The following ARID4B variants were observed in gnomAD, a reference collection of about 807,000 sequenced individuals.
ARID4B encodes the protein AT-rich interaction domain 4B, also known as AT-rich interactive domain-containing protein 4B.
Under a neutral mutation model 147.5 loss-of-function variants are expected in ARID4B, and 26 were observed. The ratio of observed to expected loss-of-function variants is 0.18; its 90% confidence interval spans 0.13 to 0.24. ARID4B has a LOEUF of 0.24. Ranked by LOEUF, ARID4B falls within the 10% of genes least tolerant of loss-of-function variation. The pLI is 1.00. For missense variants in ARID4B, 1,179 were observed against 1,511.5 expected (o/e 0.78, Z 3.65); for synonymous variants, 512 against 507.9 (o/e 1.01, Z -0.11).
At chr1:235,315,448 G>A in intron 2 of ARID4B, among the ~76,000 whole-genome samples, 1 of 152,110 alleles carries the variant, frequency 6.6e-6, no homozygotes, top group East Asian at 1.9e-4. Flanking sequence ...TAAATTATCT[G>A]TCCCACTGTC....
intron 19 of ARID4B, among the ~76,000 whole-genome samples, chr1:235,189,018 A>C (rs1217866484): frequency 1.3e-5 from 2 of 152,168 alleles, no homozygotes; most frequent in African/African-American, 4.8e-5. Flanking sequence ...TCCGAAAGGT[A>C]AGGTATTGCA....
At chr1:235,282,467 C>T (rs1294899438) in intron 2 of ARID4B, among the ~76,000 whole-genome samples, 1 of 152,150 alleles carries the variant, frequency 6.6e-6, no homozygotes, top group Non-Finnish European at 1.5e-5. Context: ...ATGAGTGTGT[C>T]AAACTTTTGG....
intron 19 of ARID4B, among the ~76,000 whole-genome samples, chr1:235,185,522 C>A (rs540893596): frequency 4.5e-4 from 69 of 152,324 alleles, no homozygotes; most frequent in African/African-American, 1.6e-3. Context: ...GGGGAATCCT[C>A]CTCACTGCTT....
intron 2 of ARID4B, among the ~76,000 whole-genome samples, chr1:235,261,103 G>A (rs929624265): frequency 3.3e-5 from 5 of 152,004 alleles, no homozygotes; most frequent in African/African-American, 1.2e-4. Context: ...TTGGCCAGAA[G>A]GCAGATCTTT....
At chr1:235,300,601 G>A (rs1673050491) in intron 2 of ARID4B, among the ~76,000 whole-genome samples, 1 of 151,942 alleles carries the variant, frequency 6.6e-6, no homozygotes, top group Non-Finnish European at 1.5e-5. Flanking sequence ...CACATACAAA[G>A]CAGTACTCAA....
intron 2 of ARID4B, among the ~76,000 whole-genome samples, chr1:235,304,219 A>G (rs1191314497): frequency 1.3e-5 from 2 of 151,962 alleles, no homozygotes; most frequent in Non-Finnish European, 2.9e-5. Context: ...GTGGTGGCAT[A>G]CACCTGTAGT....
intron 2 of ARID4B, among the ~76,000 whole-genome samples, chr1:235,300,865 A>T (rs1211616438): frequency 6.6e-6 from 1 of 151,844 alleles, no homozygotes; most frequent in Non-Finnish European, 1.5e-5. Context: ...GCATGCCACC[A>T]CGTCCAGCTA....
intron 2 of ARID4B, among the ~76,000 whole-genome samples, chr1:235,295,289 C>T (rs983378383): frequency 1.3e-5 from 2 of 152,002 alleles, no homozygotes; most frequent in Non-Finnish European, 2.9e-5. Context: ...GCAGGTAGAT[C>T]ACTTGAGGTC....
chr1:235,327,225 G>A (rs1342450433), intron 1 of ARID4B: 4 of 307,658 alleles, frequency 1.3e-5, no homozygotes, highest in Non-Finnish European at 2.4e-5. Flanking sequence ...CGACAATGAC[G>A]CCATTTCTGT....
chr1:235,327,442 G>T, intron 1 of ARID4B: 1 of 152,302 alleles, frequency 6.6e-6, no homozygotes, highest in East Asian at 1.9e-4. Flanking sequence ...TCCCGTTCCG[G>T]GCTCAGACCC....
intron 19 of ARID4B, among the ~76,000 whole-genome samples, chr1:235,192,654 AATG>A (rs765048774): frequency 2.1e-4 from 32 of 152,236 alleles, no homozygotes; most frequent in Non-Finnish European, 4.4e-4. Context: ...AGTTATGAGA[AATG>A]ATAAGATATT....
At chr1:235,247,560 A>G (rs1424966438) in intron 6 of ARID4B, among the ~76,000 whole-genome samples, 1 of 152,230 alleles carries the variant, frequency 6.6e-6, no homozygotes, top group Non-Finnish European at 1.5e-5. Flanking sequence ...AGGATTAACT[A>G]AAGATTGATT....
At chr1:235,186,980 G>C (rs1664727786) in intron 19 of ARID4B, 1 of 304,000 alleles carries the variant, frequency 3.3e-6, no homozygotes, top group Non-Finnish European at 6.3e-6. Flanking sequence ...ACAGGCATGA[G>C]CCACTGTGCC....
chr1:235,167,900 C>G lies in ARID4B; in HGVS notation c.*625G>C. Reference sequence around the variant, plus strand: ...TTCCAATTTGAAGGGCCATGAAAAGCCACTGCAAGACCTTTTAGCCTAATT... The same window carrying G: ...TTCCAATTTGAAGGGCCATGAAAAGGCACTGCAAGACCTTTTAGCCTAATT... On this transcript the variant is annotated 3_prime_UTR_variant, in exon 24 of 24. Transcript: ENST00000264183. 5.1e-6 allele frequency: 1 copy of G among 197,548 alleles called. No individual in the cohort carries two copies. Among genetic ancestry groups the G allele is most frequent in the Non-Finnish European group, 1.1e-5 (1 of 95,074 alleles). The allele number at this position is 197,548 out of a possible 1,614,324, so 12.2% of individuals were successfully genotyped here.
intron 17 of ARID4B, among the ~76,000 whole-genome samples, chr1:235,209,051 G>A (rs902750285): frequency 2.0e-5 from 3 of 152,144 alleles, no homozygotes; most frequent in Admixed American, 2.0e-4. Flanking sequence ...TAAATGTGGT[G>A]TGAACATGTT....
At chr1:235,198,329 A>G (rs1665640624) in intron 17 of ARID4B, among the ~76,000 whole-genome samples, 1 of 152,178 alleles carries the variant, frequency 6.6e-6, no homozygotes, top group Admixed American at 6.5e-5. Context: ...GTAGTTTTCA[A>G]TTTAAGAATA....
intron 12 of ARID4B, among the ~76,000 whole-genome samples, chr1:235,223,684 C>CTTTTTT (rs149769753): frequency 8.5e-6 from 1 of 117,144 alleles, no homozygotes; most frequent in African/African-American, 3.4e-5. Context: ...AGTAAAGCTA[C>CTTTTTT]ATTTTTTTTT....
intron 2 of ARID4B, among the ~76,000 whole-genome samples, chr1:235,304,949 G>A (rs904201748): frequency 6.6e-6 from 1 of 152,134 alleles, no homozygotes; most frequent in African/African-American, 2.4e-5. Context: ...CTGGTAGGCA[G>A]AATGCACTCC....
chr1:235,183,777 TC>T (rs1664486461), intron 19 of ARID4B, among the ~76,000 whole-genome samples: 1 of 151,922 alleles, frequency 6.6e-6, no homozygotes, highest in Non-Finnish European at 1.5e-5. Context: ...CTCTTTCCTT[TC>T]TCTTTCTTTA....
Sources: gnomAD v4.1 joint callset for allele counts (sites outside exome capture counted in the v4.1 genomes callset) on GRCh38, gnomAD v4.1.1 for gene constraint, MANE v1.5 for transcripts, NCBI Gene and HGNC (gene_info 2026-07-23, HGNC 2026-07-21) for gene names.